Variants in FBP1 observed in about 807,000 individuals in gnomAD.
FBP1 encodes fructose-1,6-bisphosphatase 1.
In FBP1, 22 loss-of-function variants were observed where a neutral mutation model predicts 29.9. The ratio of observed to expected loss-of-function variants is 0.74; its 90% CI spans 0.53 to 1.05. The LOEUF is 1.05. Ranked by LOEUF, FBP1 falls within the 50% of genes least tolerant of loss-of-function variation. The pLI is 0.00. For missense variants in FBP1, 345 were observed against 448.2 expected, an observed-to-expected ratio of 0.77 and a Z score of 2.08; for synonymous variants, 175 against 178.6, an observed-to-expected ratio of 0.98 and a Z score of 0.16.
intron 3 of FBP1, 55 bp from the exon 4 acceptor site, chr9:94,610,116 T>C: frequency 1.3e-6 from 2 of 1,573,516 alleles, no homozygotes; most frequent in Non-Finnish European, 1.7e-6. Context: ...GATTCTTTTT[T>C]ACAGTTCAAC....
At chr9:94,610,708 T>C (rs573475744) in intron 3 of FBP1, among the ~76,000 whole-genome samples, 1 of 152,250 alleles carries the variant, frequency 6.6e-6, no homozygotes, top group Non-Finnish European at 1.5e-5. Flanking sequence ...ACCAAAATAA[T>C]ACCTACACTT....
intron 1 of FBP1, among the ~76,000 whole-genome samples, chr9:94,632,020 A>G (rs940972208): frequency 2.0e-5 from 3 of 152,168 alleles, no homozygotes; most frequent in African/African-American, 7.2e-5. Flanking sequence ...GGTCATGTGG[A>G]GAAGAGAATT....
At chr9:94,619,874 CAAAA>C (rs56722632) in intron 2 of FBP1, among the ~76,000 whole-genome samples, 23 of 99,164 alleles carry the variant, frequency 2.3e-4, no homozygotes, top group African/African-American at 1.0e-3. Flanking sequence ...AACACTGTCT[CAAAA>C]AAAAAAAAAA....
At chr9:94,627,188 C>CAAA (rs764985242) in intron 1 of FBP1, among the ~76,000 whole-genome samples, 1 of 112,760 alleles carries the variant, frequency 8.9e-6, no homozygotes, top group East Asian at 2.6e-4. Flanking sequence ...AACTCCATCT[C>CAAA]AAAAAAAAAA....
At chr9:94,611,876 A>T (rs28369719) in intron 3 of FBP1, among the ~76,000 whole-genome samples, 5,271 of 152,322 alleles carry the variant, frequency 0.035, 283 homozygotes, top group African/African-American at 0.12. Context: ...TTCACACTCA[A>T]GTGTAAGAAC....
chr9:94,620,340 G>A lies in FBP1; in HGVS notation c.322C>T (p.Pro108Ser). ...AAGTACAGACCCACCCTTTTCTCCG[G>A]TTCCACTATGATGGCGTGTTTATCT... The part of the protein sequence containing the change: ...EEDKHAIIVE[P>S]EKRGKYVVCF... The change falls in exon 2 of 7, where the codon CCG (proline) becomes TCG (serine). Residue 108 changes from proline (P) to serine (S), a missense_variant. Physicochemically the swap from Pro to Ser is moderately conservative, Grantham distance 74. Transcript: ENST00000375326. 6.2e-7 allele frequency: 1 copy of A among 1,614,184 alleles called. No homozygotes were observed. Among genetic ancestry groups the A allele is most frequent in the South Asian group, 1.1e-5 (1 of 91,064 alleles).
At chr9:94,637,772 T>C (rs1438084772) in intron 1 of FBP1, among the ~76,000 whole-genome samples, 1 of 152,066 alleles carries the variant, frequency 6.6e-6, no homozygotes, top group East Asian at 1.9e-4. Flanking sequence ...CCAGTTACAC[T>C]TCAGTTAAAA....
At chr9:94,622,213 C>T (rs940559977) in intron 1 of FBP1, among the ~76,000 whole-genome samples, 2 of 152,208 alleles carry the variant, frequency 1.3e-5, no homozygotes, top group Admixed American at 1.3e-4. Flanking sequence ...CTTACAGAAG[C>T]GGCAGGTTGT....
chr9:94,609,497 A>G (rs1827751108), intron 4 of FBP1, among the ~76,000 whole-genome samples: 1 of 152,196 alleles, frequency 6.6e-6, no homozygotes, highest in Non-Finnish European at 1.5e-5. Flanking sequence ...TGTTTCTTGA[A>G]CCATTAATAG....
intron 3 of FBP1, among the ~76,000 whole-genome samples, chr9:94,614,257 G>A (rs560093297): frequency 3.8e-4 from 57 of 148,680 alleles, no homozygotes; most frequent in African/African-American, 1.2e-3. Context: ...AGTAGTAGTC[G>A]TGGCCGGGCG....
intron 3 of FBP1, among the ~76,000 whole-genome samples, chr9:94,612,348 C>T (rs997713556): frequency 4.6e-5 from 7 of 152,136 alleles, no homozygotes; most frequent in Non-Finnish European, 8.8e-5. Context: ...CAGAACCATC[C>T]GTGCCGGCCT....
intron 1 of FBP1, among the ~76,000 whole-genome samples, chr9:94,633,487 C>T (rs1046732677): frequency 2.0e-5 from 3 of 152,198 alleles, no homozygotes; most frequent in Admixed American, 1.3e-4. Context: ...CCCACAATTT[C>T]ACATCCACGA....
At chr9:94,606,388 G>C (rs1188004451) in intron 5 of FBP1, among the ~76,000 whole-genome samples, 2 of 152,172 alleles carry the variant, frequency 1.3e-5, no homozygotes, top group Non-Finnish European at 2.9e-5. Context: ...TTTGAGTGGG[G>C]GAACCACATT....
rs1587870955 is a variant in FBP1, at chr9:94,639,074, C to T, written c.170+67G>A. The T allele has an allele frequency of 7.3e-6, 11 of 1,504,400 alleles. No individual in the cohort carries two copies. In the Admixed American group the frequency reaches 7.8e-5, roughly 11 times the overall value. 93.2% of individuals were successfully genotyped at this position (1,504,400 alleles called of 1,614,324 possible). The stretch of plus-strand genomic sequence containing the variant: ...GCAGGAGGCTCAGAGGGCCCAACGT[C>T]AGCCCGCCGGGCAGGCTCCCCAGGC... On this transcript the variant is annotated intron_variant, in intron 1 of 6. Transcript: ENST00000375326.
chr9:94,622,960 GTCACTTTA>G (rs1323064545), intron 1 of FBP1, among the ~76,000 whole-genome samples: 1 of 146,714 alleles, frequency 6.8e-6, no homozygotes, highest in African/African-American at 2.6e-5. Context: ...CACTGTCAAA[GTCACTTTA>G]TGATTATTTT....
chr9:94,606,373 G>A (rs997158943), intron 5 of FBP1, among the ~76,000 whole-genome samples: 3 of 152,146 alleles, frequency 2.0e-5, no homozygotes, highest in Non-Finnish European at 2.9e-5. Context: ...ACCACTTGAC[G>A]GGCATTTGAG....
chr9:94,606,854 A>G lies in FBP1; in HGVS notation c.666T>C (p.Pro222=). 1 of 1,614,034 alleles carries G rather than the reference A, an allele frequency of 6.2e-7. No individual in the cohort carries two copies. Among genetic ancestry groups the G allele is most frequent in the Non-Finnish European group, 8.5e-7 (1 of 1,179,886 alleles). ...TCCTCTGGATGTACTCAGTGACGGC[A>G]GGGTCAAAGTCCCTGGCGTAGCCCT... ...LNEGYARDFD[P]AVTEYIQRKK... is the part of the protein sequence containing the mutation. Residue 222 remains proline, a synonymous_variant, in exon 5 of 7, where the codon CCT becomes CCC. Transcript: ENST00000375326.
At chr9:94,635,603 G>C (rs1212508220) in intron 1 of FBP1, among the ~76,000 whole-genome samples, 2 of 152,130 alleles carry the variant, frequency 1.3e-5, no homozygotes, top group African/African-American at 4.8e-5. Context: ...ATGTAGGTTG[G>C]GGGCCTGGCT....
At position 94,603,520 on chromosome 9, in the gene FBP1, C is replaced by T; in HGVS notation, c.878G>A (p.Gly293Glu). The T allele has an allele frequency of 6.2e-7, 1 of 1,614,148 alleles. No homozygotes were observed. Among genetic ancestry groups the T allele is most frequent in the South Asian group, 1.1e-5 (1 of 91,076 alleles). ...NPMAYVMEKAGGMATTGKEAV... is the reference protein window; with the variant it reads ...NPMAYVMEKAEGMATTGKEAV... ...CTCCTTCCCAGTGGTGGCCATTCCC[C>T]CAGCCTTCTCCATGACGTAGGCCAT... Residue 293 changes from glycine (G) to glutamate (E), a missense_variant, in exon 7 of 7, where the codon GGG becomes GAG. Gly to Glu is a moderately conservative substitution (Grantham distance 98, BLOSUM62 -2). Transcript: ENST00000375326.
Sources: gnomAD v4.1 joint callset for allele counts (sites outside exome capture counted in the v4.1 genomes callset) on GRCh38, gnomAD v4.1.1 for gene constraint, MANE v1.5 for transcripts, NCBI Gene and HGNC (gene_info 2026-07-23, HGNC 2026-07-21) for gene names.